Variants in FBXL13 observed in about 807,000 individuals in gnomAD.
FBXL13 encodes the protein F-box and leucine rich repeat protein 13, also known as F-box and leucine-rich repeat protein 13.
In FBXL13, 67 loss-of-function variants were observed where a neutral mutation model predicts 83.6. That is an observed-to-expected ratio of 0.80 (90% CI 0.66 to 0.98). The LOEUF (loss-of-function observed/expected upper bound fraction) is 0.98. Among genes scored for constraint, FBXL13 ranks in the 50% least tolerant of loss-of-function variants. The pLI is 0.00. For missense variants in FBXL13, 822 were observed against 866.5 expected (o/e 0.95, Z 0.64); for synonymous variants, 272 against 299.5 (o/e 0.91, Z 0.95).
chr7:102,999,015 T>G (rs1287613584), intron 6 of FBXL13, among the ~76,000 whole-genome samples: 1 of 151,966 alleles, frequency 6.6e-6, no homozygotes, highest in Non-Finnish European at 1.5e-5. Flanking sequence ...GAGGAAAGGC[T>G]TTCAATTTTT....
chr7:102,887,740 A>C (rs1810985090), intron 11 of FBXL13, among the ~76,000 whole-genome samples: 1 of 152,234 alleles, frequency 6.6e-6, no homozygotes, highest in South Asian at 2.1e-4. Flanking sequence ...AATGTTTATC[A>C]CATCTCAAAA....
intron 11 of FBXL13, among the ~76,000 whole-genome samples, chr7:102,889,702 A>T (rs1271900964): frequency 6.6e-6 from 1 of 151,996 alleles, no homozygotes; most frequent in Non-Finnish European, 1.5e-5. Flanking sequence ...GAGAATGATG[A>T]TTTCCAGCTT....
At chr7:102,832,898 T>G in exon 18 of FBXL13, 1 of 1,614,230 alleles carries the variant, frequency 6.2e-7, no homozygotes, top group Non-Finnish European at 8.5e-7. Context: ...GGCCAGTGCT[T>G]TGATAATCAT....
At chr7:102,968,613 CA>C (rs1363273487) in intron 6 of FBXL13, among the ~76,000 whole-genome samples, 1 of 151,960 alleles carries the variant, frequency 6.6e-6, no homozygotes, top group East Asian at 1.9e-4. Context: ...TGTGGTAGAC[CA>C]AAAAATCAGG....
chr7:103,070,187 G>A (rs1453226789), intron 1 of FBXL13, among the ~76,000 whole-genome samples: 1 of 151,978 alleles, frequency 6.6e-6, no homozygotes, highest in African/African-American at 2.4e-5. Context: ...AAATGATCTG[G>A]ATATTCAAGT....
intron 11 of FBXL13, among the ~76,000 whole-genome samples, chr7:102,892,477 TTTTCAACACAGG>T (rs1310278182): frequency 1.3e-5 from 2 of 152,198 alleles, no homozygotes; most frequent in African/African-American, 2.4e-5. Context: ...CTACAATTTT[TTTTCAACACAGG>T]TTGAAGTCTG....
Position 103,021,543 on chromosome 7 carries a change from G to C in FBXL13, c.495+3520C>G, listed in dbSNP as rs540965555. Among the ~76,000 whole-genome samples, 28 of 152,242 alleles carry C rather than the reference G, an allele frequency of 1.8e-4. No homozygotes were observed. The South Asian group carries it at 5.8e-3, about 32-fold the overall frequency. On this transcript the variant is annotated intron_variant, in intron 6 of 19. Transcript: ENST00000313221. ...AAAAAAACTACCATCAGAGTGAACA[G>C]GCAACCTACAGAATGGGAGAAAATT...
intron 16 of FBXL13, among the ~76,000 whole-genome samples, chr7:102,860,309 T>G (rs1806619608): frequency 6.6e-6 from 1 of 152,160 alleles, no homozygotes; most frequent in Admixed American, 6.5e-5. Context: ...AATGAATGCT[T>G]CCAGTTGGAA....
intron 8 of FBXL13, among the ~76,000 whole-genome samples, chr7:102,935,368 C>T (rs1186682375): frequency 6.6e-6 from 1 of 150,876 alleles, no homozygotes; most frequent in Non-Finnish European, 1.5e-5. Context: ...TCTCCTGCCT[C>T]AGCCTCTCGA....
Position 102,855,782 on chromosome 7 carries a change from A to G in FBXL13, c.1636-922T>C, listed in dbSNP as rs145905473. ...GGTTTATATTTTATCGATCTTAAAT[A>G]CAACATTTGGACCACAATTTAAAAT... On this transcript the variant is annotated intron_variant, in intron 16 of 19. Transcript: ENST00000313221. 2.8e-4 allele frequency among the ~76,000 whole-genome samples: 43 copies of G among 152,166 alleles called. No individual in the cohort carries two copies. In the East Asian group the frequency reaches 7.5e-3, roughly 27 times the overall value.
intron 19 of FBXL13, among the ~76,000 whole-genome samples, chr7:102,820,662 G>T (rs1798677744): frequency 6.6e-6 from 1 of 152,178 alleles, no homozygotes; most frequent in African/African-American, 2.4e-5. Flanking sequence ...ATAAAGAAAA[G>T]AAATTTATTG....
At chr7:102,883,212 G>A in intron 14 of FBXL13, 93 bp downstream of exon 15, 1 of 1,257,934 alleles carries the variant, frequency 7.9e-7, no homozygotes, top group Non-Finnish European at 1.1e-6. Flanking sequence ...TGACTTTCAT[G>A]TTTACCCCAC....
At position 102,972,313 on chromosome 7, in the gene FBXL13, A is replaced by C. The variant is rs140091145; in HGVS notation, c.496-4196T>G. On this transcript the variant is annotated intron_variant, in intron 6 of 19. Coordinates refer to ENST00000313221, the Ensembl canonical transcript of FBXL13. ...AGAGTAATCAAGAGTTAGTGTTCTAAATTTCAATTATTCTTCAAGAAGAAA... is the reference window on the plus strand; with the variant it reads ...AGAGTAATCAAGAGTTAGTGTTCTACATTTCAATTATTCTTCAAGAAGAAA... 3.9e-5 allele frequency among the ~76,000 whole-genome samples: 6 copies of C among 152,326 alleles called. No homozygotes were observed. In the East Asian group the frequency reaches 1.2e-3, roughly 29 times the overall value.
intron 2 of FBXL13, among the ~76,000 whole-genome samples, chr7:103,033,170 GTT>G (rs1376387048): frequency 6.6e-6 from 1 of 152,072 alleles, no homozygotes; most frequent in Non-Finnish European, 1.5e-5. Flanking sequence ...TTTGTTTTTT[GTT>G]TTTGTTTTTC....
intron 17 of FBXL13, among the ~76,000 whole-genome samples, chr7:102,834,069 G>GAA (rs1199073997): frequency 8.8e-6 from 1 of 113,020 alleles, no homozygotes; most frequent in East Asian, 3.6e-4. Context: ...AGGAAGGAAG[G>GAA]AAGGAAGGAA....
At chr7:102,905,092 T>C (rs929634972) in intron 11 of FBXL13, among the ~76,000 whole-genome samples, 4 of 152,208 alleles carry the variant, frequency 2.6e-5, no homozygotes, top group Admixed American at 6.5e-5. Flanking sequence ...TCTGCAGCTC[T>C]TGGATGAAGT....
intron 1 of FBXL13, among the ~76,000 whole-genome samples, chr7:103,056,517 G>A (rs1797354859): frequency 6.6e-6 from 1 of 152,010 alleles, no homozygotes; most frequent in African/African-American, 2.4e-5. Flanking sequence ...GGAGTGCAAT[G>A]GTGCTATCTC....
intron 1 of FBXL13, among the ~76,000 whole-genome samples, chr7:103,057,277 A>T (rs1253627687): frequency 6.6e-6 from 1 of 152,228 alleles, no homozygotes; most frequent in Non-Finnish European, 1.5e-5. Context: ...CATCATAAAC[A>T]ATACAATAAA....
intron 6 of FBXL13, among the ~76,000 whole-genome samples, chr7:103,011,331 T>C (rs944830007): frequency 7.2e-5 from 11 of 152,220 alleles, no homozygotes; most frequent in African/African-American, 2.2e-4. Flanking sequence ...GTAGACCAAA[T>C]GGCCATTATA....
Sources: allele counts gnomAD v4.1 joint callset (sites outside exome capture counted in the v4.1 genomes callset), GRCh38; gene constraint gnomAD v4.1.1; transcripts MANE v1.5; gene names NCBI Gene and HGNC (gene_info 2026-07-23, HGNC 2026-07-21).